The following WDR7 variants were observed in gnomAD, a reference collection of about 807,000 sequenced individuals.
WDR7 encodes WD repeat-containing protein 7.
A neutral mutation model predicts 169.4 loss-of-function variants in WDR7; 46 were observed. The observed-to-expected ratio is 0.27, with a 90% CI of 0.21 to 0.35. The LOEUF (loss-of-function observed/expected upper bound fraction) is 0.35, where lower values mean the gene tolerates loss of function less well. Among genes scored for constraint, WDR7 ranks in the 10% least tolerant of loss-of-function variants. WDR7 has a pLI of 1.00. For missense variants in WDR7, 1,534 were observed against 1,859.3 expected (o/e 0.83, Z 3.22); for synonymous variants, 612 against 666.8 (o/e 0.92, Z 1.27).
intron 1 of WDR7, among the ~76,000 whole-genome samples, chr18:56,659,473 T>C (rs1435341666): frequency 6.6e-6 from 1 of 152,172 alleles, no homozygotes; most frequent in Non-Finnish European, 1.5e-5. Context: ...TTTACCATCA[T>C]AGAACATACA....
intron 12 of WDR7, among the ~76,000 whole-genome samples, chr18:56,710,292 C>T (rs1294233346): frequency 5.9e-5 from 9 of 152,058 alleles, no homozygotes; most frequent in Admixed American, 4.6e-4. Context: ...CGTGAGCCAC[C>T]GTGCCTGGCC....
At chr18:57,007,983 G>A (rs1158821970) in intron 26 of WDR7, among the ~76,000 whole-genome samples, 1 of 152,090 alleles carries the variant, frequency 6.6e-6, no homozygotes, top group Non-Finnish European at 1.5e-5. Flanking sequence ...TCCCAAATCT[G>A]CCTTTCTTTT....
At chr18:56,920,150 C>T in intron 21 of WDR7, among the ~76,000 whole-genome samples, 1 of 152,060 alleles carries the variant, frequency 6.6e-6, no homozygotes, top group East Asian at 1.9e-4. Flanking sequence ...TGCCATGTTC[C>T]CTCTTATTTC....
At chr18:56,942,252 C>A (rs2047044037) in intron 25 of WDR7, among the ~76,000 whole-genome samples, 1 of 151,918 alleles carries the variant, frequency 6.6e-6, no homozygotes, top group South Asian at 2.1e-4. Flanking sequence ...CATCTTCATG[C>A]AACCCATGAC....
chr18:56,971,695 G>A (rs1475419090), intron 26 of WDR7, among the ~76,000 whole-genome samples: 1 of 152,150 alleles, frequency 6.6e-6, no homozygotes, highest in African/African-American at 2.4e-5. Context: ...TAGGAGTTAG[G>A]CAAAGGAGGG....
intron 1 of WDR7, among the ~76,000 whole-genome samples, chr18:56,671,658 C>T (rs904608410): frequency 6.6e-6 from 1 of 152,174 alleles, no homozygotes; most frequent in Non-Finnish European, 1.5e-5. Flanking sequence ...GTTTGGAAAT[C>T]TCATTTGTCA....
At chr18:56,665,945 A>G (rs573711062) in intron 1 of WDR7, among the ~76,000 whole-genome samples, 1 of 152,154 alleles carries the variant, frequency 6.6e-6, no homozygotes, top group South Asian at 2.1e-4. Context: ...CCCTTCAGTG[A>G]TATCCTGATT....
intron 13 of WDR7, among the ~76,000 whole-genome samples, chr18:56,719,301 C>T (rs2144746521): frequency 6.6e-6 from 1 of 152,188 alleles, no homozygotes; most frequent in South Asian, 2.1e-4. Flanking sequence ...CGGTGGCTCA[C>T]GCCTGTAATC....
At chr18:56,706,529 G>C (rs370545704) in intron 12 of WDR7, among the ~76,000 whole-genome samples, 1 of 152,080 alleles carries the variant, frequency 6.6e-6, no homozygotes, top group Non-Finnish European at 1.5e-5. Context: ...TAGAAGTAAC[G>C]CTTGGCCTGT....
intron 4 of WDR7, among the ~76,000 whole-genome samples, chr18:56,682,085 T>A (rs2025360529): frequency 6.6e-6 from 1 of 152,218 alleles, no homozygotes; most frequent in Admixed American, 6.5e-5. Flanking sequence ...ATTGAGCAGA[T>A]ACAGTGTAGG....
chr18:56,790,861 ATTTT>A (rs900364593), intron 19 of WDR7, among the ~76,000 whole-genome samples: 6 of 150,766 alleles, frequency 4.0e-5, no homozygotes, highest in Admixed American at 4.0e-4. Flanking sequence ...ATAAAGAAAA[ATTTT>A]TTTTTTATTT....
chr18:57,017,783 GACAA>G (rs1388292346), intron 26 of WDR7, among the ~76,000 whole-genome samples: 12 of 152,274 alleles, frequency 7.9e-5, no homozygotes, highest in African/African-American at 2.9e-4. Context: ...TATCTGGAAA[GACAA>G]ACATTTTCCC....
chr18:56,794,304 A>ATTTTTTTTTTTTTTTTTTTTTTTG (rs2044545501), intron 19 of WDR7, among the ~76,000 whole-genome samples: 1 of 49,466 alleles, frequency 2.0e-5, no homozygotes, highest in Non-Finnish European at 3.8e-5. Flanking sequence ...GGTAAAGTCT[A>ATTTTTTTTTTTTTTTTTTTTTTTG]TTTTTTTTTT....
chr18:56,937,806 T>C (rs2046980074), intron 23 of WDR7, among the ~76,000 whole-genome samples: 1 of 152,164 alleles, frequency 6.6e-6, no homozygotes. Context: ...CCACAAATAA[T>C]ATTTGACTGC....
Position 56,851,169 on chromosome 18 carries a change from T to C in WDR7, c.3305-28775T>C, listed in dbSNP as rs537941116. On this transcript the variant is annotated intron_variant, in intron 20 of 27. Transcript: ENST00000254442. Reference sequence around the variant, plus strand: ...TTCTTCAGGGCGTCCTTTATGCCTTTGTAGTAAAATTAAAAATTTTCTAGG... The same window carrying C: ...TTCTTCAGGGCGTCCTTTATGCCTTCGTAGTAAAATTAAAAATTTTCTAGG... 1.2e-4 allele frequency among the ~76,000 whole-genome samples: 19 copies of C among 152,316 alleles called. No individual in the cohort carries two copies. In the East Asian group the frequency reaches 3.3e-3, roughly 26 times the overall value.
At chr18:56,800,384 C>T (rs1568202350) in intron 19 of WDR7, among the ~76,000 whole-genome samples, 1 of 152,084 alleles carries the variant, frequency 6.6e-6, no homozygotes, top group Non-Finnish European at 1.5e-5. Context: ...TGTCATGTTT[C>T]CAGGCTGAAC....
intron 16 of WDR7, among the ~76,000 whole-genome samples, chr18:56,773,601 G>C (rs893088504): frequency 6.6e-6 from 1 of 152,024 alleles, no homozygotes; most frequent in Non-Finnish European, 1.5e-5. Context: ...AACCAAACAG[G>C]TTGTTGCATT....
rs59057581 is a variant in WDR7, at chr18:56,959,915, G to A, written c.4065-2515G>A. On this transcript the variant is annotated intron_variant, in intron 25 of 27. Coordinates refer to ENST00000254442, the MANE Select transcript of WDR7 (RefSeq NM_015285.3). ...GCAGACCAGGAGGATGGTGGGCTCTGGAAGCCTCAGCAGGGATTGGTTCAC... is the reference window on the plus strand; with the variant it reads ...GCAGACCAGGAGGATGGTGGGCTCTAGAAGCCTCAGCAGGGATTGGTTCAC... Among the ~76,000 whole-genome samples, 98 of 152,276 alleles carry A rather than the reference G, an allele frequency of 6.4e-4. 1 individual carries two copies. Among genetic ancestry groups the A allele is most frequent in the African/African-American group, 2.2e-3 (91 of 41,566 alleles).
intron 20 of WDR7, among the ~76,000 whole-genome samples, chr18:56,846,138 A>G: frequency 6.6e-6 from 1 of 152,170 alleles, no homozygotes; most frequent in East Asian, 1.9e-4. Flanking sequence ...TTATTTTCTA[A>G]AGAGATTATG....
Sources: gnomAD v4.1 joint callset for allele counts (sites outside exome capture counted in the v4.1 genomes callset) on GRCh38, gnomAD v4.1.1 for gene constraint, MANE v1.5 for transcripts, NCBI Gene and HGNC (gene_info 2026-07-23, HGNC 2026-07-21) for gene names.